PCK1: variants seen among roughly 807,000 people sequenced by gnomAD.
PCK1 encodes phosphoenolpyruvate carboxykinase, cytosolic [GTP].
PCK1 carries 44 observed loss-of-function variants against 50.3 expected under a neutral mutation model. That is an observed-to-expected ratio of 0.87 (90% CI 0.69 to 1.12). The LOEUF is 1.12. Ranked by LOEUF, PCK1 falls within the 50% of genes most tolerant of loss-of-function variation. PCK1 has a pLI of 0.00. For synonymous variants in PCK1, 332 were observed against 314.3 expected, an observed-to-expected ratio of 1.06 and a Z score of -0.59; for missense variants, 790 against 815.0, an observed-to-expected ratio of 0.97 and a Z score of 0.37.
chr20:57,561,985 C>A, intron 2 of PCK1, 86 bp from the exon 3 acceptor site: 1 of 1,091,038 alleles, frequency 9.2e-7, no homozygotes, highest in Non-Finnish European at 1.4e-6. Context: ...GCTCAGCACT[C>A]TGCTAGGCAT....
At position 57,563,814 on chromosome 20, in the gene PCK1, G is replaced by A. The variant is rs186145640; in HGVS notation, c.961+87G>A. 2.6e-6 allele frequency: 3 copies of A among 1,148,518 alleles called. No individual in the cohort carries two copies. The African/African-American group carries it at 4.6e-5, about 18-fold the overall frequency. The allele number at this position is 1,148,518 out of a possible 1,614,324, so 71.1% of individuals were successfully genotyped here. ...AACATGTCACATTCTCCTCAGTCCA[G>A]TGTTTGGATTTTTAAACTCTGTTAG... On this transcript the variant is annotated intron_variant, in intron 6 of 9. Coordinates refer to ENST00000319441, the MANE Select transcript of PCK1 (RefSeq NM_002591.4).
At chr20:57,565,256 G>C (rs1350393461) in intron 9 of PCK1, 94 bp from the exon 10 acceptor site, 1 of 1,312,998 alleles carries the variant, frequency 7.6e-7, no homozygotes, top group Non-Finnish European at 1.1e-6. Context: ...GAAAGAGAGA[G>C]AGGAGAACAA....
rs1358012223 is a variant in PCK1 at position 57,565,120 on chromosome 20, G to A, written c.1399G>A (p.Ala467Thr). 6.2e-7 allele frequency: 1 copy of A among 1,613,548 alleles called. No homozygotes were observed. The highest frequency in any genetic ancestry group is 8.5e-7 in the Non-Finnish European group (1 of 1,179,658). ...GGCCATGAGATCAGAGGCCACAGCG[G>A]CTGCAGAACATAAAGGTAAATCAAA... ...GAAMRSEATAAAEHKGKIIMH... is the reference protein window; with the variant it reads ...GAAMRSEATATAEHKGKIIMH... The change falls in exon 9 of 10, where the codon GCT (alanine) becomes ACT (threonine). Residue 467 changes from alanine (A) to threonine (T), a missense_variant. By Grantham distance (58) the Ala-to-Thr change is moderately conservative. Coordinates refer to ENST00000319441, the MANE Select transcript of PCK1 (RefSeq NM_002591.4).
Position 57,562,865 on chromosome 20 carries a change from C to A in PCK1, c.576C>A (p.Cys192Ter), listed in dbSNP as rs2146527806. 1 of 1,613,232 alleles carries A rather than the reference C, an allele frequency of 6.2e-7. No individual in the cohort carries two copies. Among genetic ancestry groups the A allele is most frequent in the Non-Finnish European group, 8.5e-7 (1 of 1,179,136 alleles). The part of the protein sequence containing the change: ...EAVGDGEFVK[C>*]LHSVGCPLPL... ...TGGGCGATGGGGAGTTTGTCAAATG[C>A]CTCCATTCTGTGGGGTGCCCTCTGC... The change falls in exon 4 of 10, where the codon TGC (cysteine) becomes TGA (stop). Residue 192 changes from cysteine (C) to a stop codon, truncating the protein, a stop_gained. Coordinates refer to ENST00000319441, the MANE Select transcript of PCK1 (RefSeq NM_002591.4). LOFTEE classifies it high-confidence loss of function.
At chr20:57,563,787 G>A (rs965544560) in intron 6 of PCK1, 60 bp downstream of exon 6, 11 of 1,363,404 alleles carry the variant, frequency 8.1e-6, no homozygotes, top group South Asian at 2.6e-5. Flanking sequence ...GTTGGCCTTC[G>A]AAACATGTCA....
At position 57,561,516 on chromosome 20, in the gene PCK1, T is replaced by C. The variant is rs773085162; in HGVS notation, c.105T>C (p.Ala35=). Residue 35 remains alanine (A), a synonymous_variant, in exon 2 of 10, where the codon GCT becomes GCC. Coordinates refer to ENST00000319441, the MANE Select transcript of PCK1 (RefSeq NM_002591.4). The part of the protein sequence containing the change: ...QAVREFLENN[A]ELCQPDHIHI... ...TGAGGGAGTTTCTCGAGAATAACGC[T>C]GAGCTGTGTCAGCCTGATCACATCC... is the stretch of plus-strand genomic sequence containing the variant. 18 of 1,613,776 alleles carry C rather than the reference T, an allele frequency of 1.1e-5. No homozygotes were observed. Among genetic ancestry groups the C allele is most frequent in the Admixed American group, 1.0e-4 (6 of 60,010 alleles).
chr20:57,562,566 G>A, intron 3 of PCK1, 130 bp from the exon 4 acceptor site: 1 of 741,540 alleles, frequency 1.3e-6, no homozygotes, highest in Non-Finnish European at 2.3e-6. Context: ...AACCCAGGGG[G>A]CTGGTGACCA....
rs1270924804 is a variant in PCK1 at position 57,564,548 on chromosome 20, C to T, written c.1253C>T (p.Ala418Val). 6.2e-7 allele frequency: 1 copy of T among 1,613,626 alleles called. No homozygotes were observed. Among genetic ancestry groups the T allele is most frequent in the Non-Finnish European group, 8.5e-7 (1 of 1,179,516 alleles). The part of the protein sequence containing the change: ...TPASQCPIID[A>V]AWESPEGVPI... ...GCCAGCCAGTGCCCCATCATTGATG[C>T]TGCCTGGGAGTCTCCGGAAGGTGTT... Residue 418 changes from alanine to valine, a missense_variant, in exon 8 of 10, where the codon GCT becomes GTT. Physicochemically the swap from Ala to Val is moderately conservative, Grantham distance 64 (BLOSUM62 0). Transcript: ENST00000319441.
At position 57,565,711 on chromosome 20, in the gene PCK1, C is replaced by T. The variant is rs1054922986; in HGVS notation, c.1776C>T (p.Ile592=). Residue 592 remains isoleucine, a synonymous_variant, in exon 10 of 10, where the codon ATC becomes ATT. Transcript: ENST00000319441. ...KEFWEKEVED[I]EKYLEDQVNA... Reference sequence around the variant, plus strand: ...TCTGGGAGAAGGAGGTGGAAGACATCGAGAAGTATCTGGAGGATCAAGTCA... The same window carrying T: ...TCTGGGAGAAGGAGGTGGAAGACATTGAGAAGTATCTGGAGGATCAAGTCA... 5 of 1,613,746 alleles carry T rather than the reference C, an allele frequency of 3.1e-6. No individual in the cohort carries two copies. The highest frequency in any genetic ancestry group is 4.2e-6 in the Non-Finnish European group (5 of 1,179,970).
rs201179319 is a variant in PCK1 at position 57,566,151 on chromosome 20, GTATA to G, written c.*355_*358del. The G allele has an allele frequency of 5.3e-5, 12 of 226,530 alleles. No individual in the cohort carries two copies. Among genetic ancestry groups the G allele is most frequent in the Non-Finnish European group, 9.0e-5 (11 of 122,142 alleles). The allele number at this position is 226,530 out of a possible 1,614,324, so 14.0% of individuals were successfully genotyped here. ...TGCACACCAAAAAAATACTTGAGCT[GTATA>G]TATATATGTGTGTGTGTGTGTGTGT... On this transcript the variant is annotated 3_prime_UTR_variant, in exon 10 of 10. Transcript: ENST00000319441.
In PCK1 at chr20:57,564,553, T is replaced by C. The variant is rs1214113189; in HGVS notation, c.1258T>C (p.Trp420Arg). 6.2e-7 allele frequency: 1 copy of C among 1,613,654 alleles called. No individual in the cohort carries two copies. The highest frequency in any genetic ancestry group is 1.1e-5 in the South Asian group (1 of 91,058). Residue 420 changes from tryptophan to arginine, a missense_variant, in exon 8 of 10, where the codon TGG becomes CGG. Coordinates refer to ENST00000319441, the MANE Select transcript of PCK1 (RefSeq NM_002591.4). ...CCAGTGCCCCATCATTGATGCTGCC[T>C]GGGAGTCTCCGGAAGGTGTTCCCAT... ...ASQCPIIDAAWESPEGVPIEG... is the reference protein window; with the variant it reads ...ASQCPIIDAARESPEGVPIEG...
rs1357485570 is a variant in PCK1, at chr20:57,566,100, A to T, written c.*296A>T. ...GCATTGATCTTTTCAGTGTTTTTTC[A>T]CTTTAGCTATGTGGATTAGCTAGAA... On this transcript the variant is annotated 3_prime_UTR_variant, in exon 10 of 10. Transcript: ENST00000319441. 1 of 354,842 alleles carries T rather than the reference A, an allele frequency of 2.8e-6. No individual in the cohort carries two copies. The allele number at this position is 354,842 out of a possible 1,614,324, so 22.0% of individuals were successfully genotyped here.
chr20:57,561,155 G>T lies in PCK1; in HGVS notation c.-89G>T. On this transcript the variant is annotated 5_prime_UTR_variant, in exon 1 of 10. Transcript: ENST00000319441. ...ACAAACTTGCTGGCGGGAAGAGCCC[G>T]GAAAGAAACCTGTGGATCTCCCTTC... The T allele has an allele frequency of 3.0e-6, 1 of 332,306 alleles. No individual in the cohort carries two copies. The highest frequency in any genetic ancestry group is 5.6e-6 in the Non-Finnish European group (1 of 179,164). 20.6% of individuals were successfully genotyped at this position (332,306 alleles called of 1,614,324 possible). A position where few individuals can be genotyped will look rare whatever the true frequency, so the allele number is the denominator to read the frequency against.
chr20:57,563,297 C>A, intron 5 of PCK1, 82 bp downstream of exon 5: 1 of 1,275,022 alleles, frequency 7.8e-7, no homozygotes, highest in Non-Finnish European at 1.1e-6. Flanking sequence ...TCCCACCCGT[C>A]AGCACACCTC....
rs115841045 is a variant in PCK1, at chr20:57,565,609, C to A, written c.1674C>A (p.Ile558=). ...ASTKLTPIGY[I]PKEDALNLKG... ...CCAAGCTCACGCCCATAGGCTACAT[C>A]CCCAAGGAGGATGCCCTGAACCTGA... The change falls in exon 10 of 10, where the codon ATC becomes ATA. Residue 558 remains isoleucine, a synonymous_variant. Coordinates refer to ENST00000319441, the MANE Select transcript of PCK1 (RefSeq NM_002591.4). 2.7e-4 allele frequency: 437 copies of A among 1,614,192 alleles called. 1 individual carries two copies. Among genetic ancestry groups the A allele is most frequent in the Admixed American group, 7.8e-4 (47 of 60,038 alleles).
chr20:57,562,990 C>A, intron 4 of PCK1, 38 bp from the exon 5 acceptor site: 4 of 1,591,796 alleles, frequency 2.5e-6, no homozygotes, highest in South Asian at 2.2e-5. Context: ...CCAAGCAGGG[C>A]CCTGGCGCAC....
rs767286091 is a variant in PCK1, at chr20:57,561,624, G to T, written c.213G>T (p.Lys71Asn). 6.2e-7 allele frequency: 1 copy of T among 1,610,560 alleles called. No homozygotes were observed. Among genetic ancestry groups the T allele is most frequent in the Non-Finnish European group, 8.5e-7 (1 of 1,178,106 alleles). ...EEEGILRRLK[K>N]YDNCWLALTD... ...AGGGCATCCTCAGGCGGCTGAAGAA[G>T]TATGACAACTGGTAAGCTCGGCCCC... is the stretch of plus-strand genomic sequence containing the variant. The change falls in exon 2 of 10, where the codon AAG becomes AAT. Residue 71 changes from lysine to asparagine, a missense_variant. Physicochemically the swap from Lys to Asn is moderately conservative, Grantham distance 94. Coordinates refer to ENST00000319441, the MANE Select transcript of PCK1 (RefSeq NM_002591.4).
chr20:57,566,967 C>T lies in PCK1; in HGVS notation c.*1163C>T, dbSNP rs189851297. 6.6e-5 allele frequency: 10 copies of T among 152,280 alleles called. No individual in the cohort carries two copies. Among genetic ancestry groups the T allele is most frequent in the South Asian group, 2.1e-4 (1 of 4,812 alleles). 9.4% of individuals were successfully genotyped at this position (152,280 alleles called of 1,614,324 possible). The stretch of plus-strand genomic sequence containing the variant: ...CATTAATTGAGCGCCTTCTGTATCC[C>T]GGACATCATGCCAACACCATGGGCT... On this transcript the variant is annotated 3_prime_UTR_variant, in exon 10 of 10. Coordinates refer to ENST00000319441, the MANE Select transcript of PCK1 (RefSeq NM_002591.4).
At chr20:57,561,247 G>C in intron 1 of PCK1, 44 bp downstream of exon 1, 5 of 568,802 alleles carry the variant, frequency 8.8e-6, no homozygotes, top group Non-Finnish European at 1.6e-5. Context: ...TTACAAAGAT[G>C]AACTCATTTT....
Sources: gnomAD v4.1 joint callset for allele counts on GRCh38, gnomAD v4.1.1 for gene constraint, MANE v1.5 for transcripts, NCBI Gene and HGNC (gene_info 2026-07-23, HGNC 2026-07-21) for gene names.